The following HPSE2 variants were observed in gnomAD, a reference collection of about 807,000 sequenced individuals.
HPSE2 encodes inactive heparanase-2.
A neutral mutation model predicts 60.5 loss-of-function variants in HPSE2; 38 were observed. The observed-to-expected ratio is 0.63, with a 90% confidence interval of 0.48 to 0.82. HPSE2 has a LOEUF of 0.82. Among genes scored for constraint, HPSE2 ranks in the 40% least tolerant of loss-of-function variants. The pLI is 0.00. For synonymous variants in HPSE2, 295 were observed against 293.2 expected, an observed-to-expected ratio of 1.01 and a Z score of -0.06; for missense variants, 713 against 740.4, an observed-to-expected ratio of 0.96 and a Z score of 0.43.
chr10:98,698,733 T>TA (rs1363011426), intron 5 of HPSE2, among the ~76,000 whole-genome samples: 1 of 152,126 alleles, frequency 6.6e-6, no homozygotes, highest in African/African-American at 2.4e-5. Flanking sequence ...ACAAAACTGA[T>TA]AGACTGCTAG....
intron 3 of HPSE2, among the ~76,000 whole-genome samples, chr10:99,043,240 T>A (rs1322718716): frequency 1.3e-5 from 2 of 152,176 alleles, no homozygotes; most frequent in African/African-American, 2.4e-5. Context: ...ATCCCAGCAC[T>A]TTGGGAGGCC....
chr10:98,573,110 A>G (rs1944545470), intron 9 of HPSE2, among the ~76,000 whole-genome samples: 1 of 152,208 alleles, frequency 6.6e-6, no homozygotes, highest in Admixed American at 6.5e-5. Flanking sequence ...ATTTTCCTCA[A>G]TTGTAAAAGG....
chr10:99,083,896 C>A (rs762278491), intron 3 of HPSE2, among the ~76,000 whole-genome samples: 1 of 149,630 alleles, frequency 6.7e-6, no homozygotes, highest in Non-Finnish European at 1.5e-5. Flanking sequence ...AATACCTGAG[C>A]CAGAAGGCAT....
rs10400175 is a variant in HPSE2, at chr10:99,167,136, T to C, written c.449-22737A>G. ...AGCAATTCTCCTGTCTCAGCCTCCC[T>C]AGTAGATGGGATTACAAGCGTGTGC... On this transcript the variant is annotated intron_variant, in intron 2 of 11. Coordinates refer to ENST00000370552, the MANE Select transcript of HPSE2 (RefSeq NM_021828.5). Among the ~76,000 whole-genome samples, 699 of 152,090 alleles carry C rather than the reference T, an allele frequency of 4.6e-3. 4 individuals are homozygous for C. The highest frequency in any genetic ancestry group is 0.016 in the African/African-American group (644 of 41,480).
chr10:98,646,936 A>T (rs1456904588), intron 6 of HPSE2, among the ~76,000 whole-genome samples: 2 of 152,228 alleles, frequency 1.3e-5, no homozygotes, highest in Admixed American at 1.3e-4. Context: ...CCAGTTTTTC[A>T]TAGTAAATAA....
chr10:98,599,611 C>G (rs1240298755), intron 9 of HPSE2, among the ~76,000 whole-genome samples: 1 of 152,130 alleles, frequency 6.6e-6, no homozygotes, highest in Non-Finnish European at 1.5e-5. Context: ...GAAGCAAAGT[C>G]TGGTGTTCAC....
intron 3 of HPSE2, among the ~76,000 whole-genome samples, chr10:99,096,542 T>C (rs1843723381): frequency 6.6e-6 from 1 of 152,206 alleles, no homozygotes; most frequent in Non-Finnish European, 1.5e-5. Flanking sequence ...AACATCCCTC[T>C]ATATTGTCTA....
intron 3 of HPSE2, among the ~76,000 whole-genome samples, chr10:98,879,254 T>C (rs1264492914): frequency 6.6e-6 from 1 of 152,024 alleles, no homozygotes; most frequent in East Asian, 1.9e-4. Flanking sequence ...ATGGTACATG[T>C]AAGTATACTA....
intron 6 of HPSE2, among the ~76,000 whole-genome samples, chr10:98,648,408 G>A (rs532656278): frequency 6.6e-6 from 1 of 152,254 alleles, no homozygotes; most frequent in Non-Finnish European, 1.5e-5. Flanking sequence ...CAGAATTGTG[G>A]GCAGAAGTGG....
At chr10:99,159,912 G>C (rs1253859356) in intron 2 of HPSE2, among the ~76,000 whole-genome samples, 1 of 151,918 alleles carries the variant, frequency 6.6e-6, no homozygotes, top group Non-Finnish European at 1.5e-5. Context: ...AGGCTGAGGT[G>C]GGCGGATCAC....
chr10:98,514,205 T>C (rs891991755), intron 9 of HPSE2, among the ~76,000 whole-genome samples: 2 of 152,266 alleles, frequency 1.3e-5, no homozygotes, highest in East Asian at 1.9e-4. Context: ...ATTCCACTTA[T>C]ATGAATGATC....
At chr10:99,132,191 A>G (rs11189984) in intron 3 of HPSE2, among the ~76,000 whole-genome samples, 209 of 71,340 alleles carry the variant, frequency 2.9e-3, no homozygotes, top group African/African-American at 5.5e-3. Context: ...GAAAGAAAGA[A>G]AGAGAGAGAG....
intron 3 of HPSE2, among the ~76,000 whole-genome samples, chr10:98,771,900 G>T (rs1023393873): frequency 6.6e-6 from 1 of 152,156 alleles, no homozygotes; most frequent in Non-Finnish European, 1.5e-5. Flanking sequence ...TGAAGGAAGT[G>T]GTTGGAATGG....
At chr10:99,099,696 C>T (rs1373657843) in intron 3 of HPSE2, among the ~76,000 whole-genome samples, 6 of 152,228 alleles carry the variant, frequency 3.9e-5, no homozygotes, top group African/African-American at 1.4e-4. Context: ...ACTGCCTCCT[C>T]AAGTGGGTCC....
At chr10:99,260,758 A>G in the HPSE2 span, among the ~76,000 whole-genome samples, 2 of 152,248 alleles carry the variant, frequency 1.3e-5, no homozygotes, top group South Asian at 4.1e-4. Flanking sequence ...CTGCTCACCC[A>G]CATTGCAGCC....
the HPSE2 span, among the ~76,000 whole-genome samples, chr10:99,286,642 A>G: frequency 6.6e-6 from 1 of 152,236 alleles, no homozygotes; most frequent in African/African-American, 2.4e-5. Flanking sequence ...GAATATAATG[A>G]CATTGAATTA....
At chr10:98,555,057 ATGTG>A (rs1943965642) in intron 9 of HPSE2, among the ~76,000 whole-genome samples, 1 of 152,212 alleles carries the variant, frequency 6.6e-6, no homozygotes, top group Non-Finnish European at 1.5e-5. Context: ...ATAAAAATCT[ATGTG>A]CCATTAAAAT....
chr10:99,218,929 G>A (rs1285842017), intron 2 of HPSE2, among the ~76,000 whole-genome samples: 1 of 152,144 alleles, frequency 6.6e-6, no homozygotes, highest in African/African-American at 2.4e-5. Flanking sequence ...ACAATTACAA[G>A]GAAATAAACT....
chr10:99,306,347 C>A, the HPSE2 span, among the ~76,000 whole-genome samples: 1 of 152,118 alleles, frequency 6.6e-6, no homozygotes. Context: ...TCTCCTTTGG[C>A]ACTGGCAAGA....
Sources: allele counts gnomAD v4.1 joint callset (sites outside exome capture counted in the v4.1 genomes callset), GRCh38; gene constraint gnomAD v4.1.1; transcripts MANE v1.5; gene names NCBI Gene and HGNC (gene_info 2026-07-23, HGNC 2026-07-21).